The following DEPDC4 variants were observed in gnomAD, a reference collection of about 807,000 sequenced individuals.
The protein encoded by DEPDC4 is DEP domain-containing protein 4.
A neutral mutation model predicts 52.0 loss-of-function variants in DEPDC4; 52 were observed. The observed-to-expected ratio is 1.00, with a 90% CI of 0.80 to 1.26. The LOEUF is 1.26. DEPDC4 is among the 50% of genes most tolerant of loss of function. The probability of loss-of-function intolerance (pLI) is 0.00; values close to 1 mark genes in which losing one functional copy is unlikely to be tolerated. For synonymous variants in DEPDC4, 201 were observed against 196.8 expected, an observed-to-expected ratio of 1.02 and a Z score of -0.18; for missense variants, 530 against 546.9, an observed-to-expected ratio of 0.97 and a Z score of 0.31.
downstream of DEPDC4, among the ~76,000 whole-genome samples, chr12:100,236,045 G>A (rs954842233): frequency 3.9e-5 from 6 of 152,254 alleles, no homozygotes; most frequent in Admixed American, 2.6e-4. Context: ...TGGCTGCATA[G>A]TATTCCATTG....
chr12:100,258,804 TTC>T (rs2096243554), intron 3 of DEPDC4, among the ~76,000 whole-genome samples: 1 of 151,782 alleles, frequency 6.6e-6, no homozygotes, highest in Non-Finnish European at 1.5e-5. Flanking sequence ...GGCGCGGTGG[TTC>T]ACGTCTGTAA....
intron 2 of DEPDC4, among the ~76,000 whole-genome samples, chr12:100,262,881 T>C (rs186415464): frequency 1.3e-5 from 2 of 152,326 alleles, no homozygotes; most frequent in African/African-American, 2.4e-5. Context: ...AAAGGAATAA[T>C]ATATATTTTT....
chr12:100,238,691 G>A (rs1040982171), downstream of DEPDC4, among the ~76,000 whole-genome samples: 2 of 151,478 alleles, frequency 1.3e-5, no homozygotes, highest in Non-Finnish European at 1.5e-5. Context: ...TTGCCATGTT[G>A]TGCAGGCTGG....
intron 8 of DEPDC4, 81 bp from the exon 9 acceptor site, chr12:100,242,650 TG>T (rs1215066777): frequency 6.5e-6 from 1 of 154,826 alleles, no homozygotes; most frequent in Non-Finnish European, 1.5e-5. Context: ...TGTCCATTAC[TG>T]GGGCTTGGTG....
the DEPDC4 span, among the ~76,000 whole-genome samples, chr12:100,278,966 T>G: frequency 6.6e-6 from 1 of 152,144 alleles, no homozygotes; most frequent in Non-Finnish European, 1.5e-5. Flanking sequence ...TATATGTAAT[T>G]TACTTGTTTT....
At chr12:100,267,713 C>T (rs543907250), upstream of DEPDC4, 1 of 152,564 alleles carries the variant, frequency 6.6e-6, no homozygotes, top group South Asian at 2.1e-4. Flanking sequence ...GAGAGCCCCC[C>T]ATGCCGGCTC....
chr12:100,271,585 T>G (rs577558773), upstream of DEPDC4, among the ~76,000 whole-genome samples: 3 of 152,324 alleles, frequency 2.0e-5, no homozygotes, highest in South Asian at 6.2e-4. Context: ...TTTTATATTG[T>G]TGTTCTTTGT....
chr12:100,274,571 A>G, the DEPDC4 span, among the ~76,000 whole-genome samples: 1 of 152,138 alleles, frequency 6.6e-6, no homozygotes, highest in Non-Finnish European at 1.5e-5. Context: ...CTTGTGCTTT[A>G]CTCTTAAGTG....
At position 100,263,757 on chromosome 12, in the gene DEPDC4, A is replaced by G. The variant is rs146665981; in HGVS notation, c.294T>C (p.Asp98=). 80 of 1,614,050 alleles carry G rather than the reference A, an allele frequency of 5.0e-5. No homozygotes were observed. Among genetic ancestry groups the G allele is most frequent in the African/African-American group, 6.7e-5 (5 of 74,944 alleles). The change falls in exon 2 of 10, where the codon GAT becomes GAC. Residue 98 remains aspartate, a synonymous_variant. Coordinates refer to ENST00000550587, the MANE Select transcript of DEPDC4 (RefSeq NM_001364818.2). ...TTTGCATAAGATGACTTAAGACCAC[A>G]TCGACAGCATCAGAACCAGTGAAAC... The part of the protein sequence containing the change: ...KDCFTGSDAV[D]VVLSHLMQNT...
chr12:100,272,114 A>G, the DEPDC4 span, among the ~76,000 whole-genome samples: 5 of 152,200 alleles, frequency 3.3e-5, no homozygotes, highest in Admixed American at 2.6e-4. Context: ...TCTTGGAATC[A>G]TACTGAAGCT....
At chr12:100,248,807 A>G in intron 8 of DEPDC4, 93 bp downstream of exon 8, 2 of 443,638 alleles carry the variant, frequency 4.5e-6, no homozygotes, top group Non-Finnish European at 6.0e-6. Flanking sequence ...CATTTTACAT[A>G]TATTTATTAC....
chr12:100,273,182 C>G, the DEPDC4 span, among the ~76,000 whole-genome samples: 1 of 152,122 alleles, frequency 6.6e-6, no homozygotes, highest in African/African-American at 2.4e-5. Flanking sequence ...CCTTGGTGAT[C>G]TGGCTTTTTA....
the DEPDC4 span, among the ~76,000 whole-genome samples, chr12:100,276,978 T>G: frequency 1.3e-5 from 2 of 152,154 alleles, no homozygotes; most frequent in Non-Finnish European, 2.9e-5. Flanking sequence ...AAAAATTTCT[T>G]TGTGATTTCT....
intron 7 of DEPDC4, among the ~76,000 whole-genome samples, chr12:100,249,823 G>C (rs986634436): frequency 6.6e-6 from 1 of 152,184 alleles, no homozygotes; most frequent in Non-Finnish European, 1.5e-5. Context: ...TGAATGAGTA[G>C]ATCAAGTTCC....
At chr12:100,247,812 G>A (rs2096192159) in intron 8 of DEPDC4, among the ~76,000 whole-genome samples, 1 of 152,146 alleles carries the variant, frequency 6.6e-6, no homozygotes, top group African/African-American at 2.4e-5. Context: ...TATTAGCTGA[G>A]AAATTCCAAG....
chr12:100,273,344 T>C, the DEPDC4 span, among the ~76,000 whole-genome samples: 2 of 152,212 alleles, frequency 1.3e-5, no homozygotes, highest in Admixed American at 6.5e-5. Context: ...CTCTTCTTTT[T>C]GTTCCTATAA....
At chr12:100,243,030 A>G (rs1234278886) in intron 8 of DEPDC4, among the ~76,000 whole-genome samples, 1 of 152,226 alleles carries the variant, frequency 6.6e-6, no homozygotes, top group African/African-American at 2.4e-5. Flanking sequence ...GTTTTTTCCT[A>G]TATATACATA....
At position 100,263,911 on chromosome 12, in the gene DEPDC4, T is replaced by C. The variant is rs2096262911; in HGVS notation, c.158-18A>G. 2 of 1,579,846 alleles carry C rather than the reference T, an allele frequency of 1.3e-6. No homozygotes were observed. Among genetic ancestry groups the C allele is most frequent in the Non-Finnish European group, 8.6e-7 (1 of 1,164,102 alleles). On this transcript the variant is annotated intron_variant, in intron 1 of 9. Coordinates refer to ENST00000550587, the MANE Select transcript of DEPDC4 (RefSeq NM_001364818.2). ...AGAGCATCCTGAAAAAAATTAAATATGCATTTCTAACAAATCTAGATTATA... is the reference window on the plus strand; with the variant it reads ...AGAGCATCCTGAAAAAAATTAAATACGCATTTCTAACAAATCTAGATTATA...
At chr12:100,235,337 T>C (rs78351829), downstream of DEPDC4, among the ~76,000 whole-genome samples, 4,152 of 145,648 alleles carry the variant, frequency 0.029, 182 homozygotes, top group African/African-American at 0.1. Context: ...CCCATATTCT[T>C]TTTTTCTTTT....
Sources: gnomAD v4.1 joint callset for allele counts (sites outside exome capture counted in the v4.1 genomes callset) on GRCh38, gnomAD v4.1.1 for gene constraint, MANE v1.5 for transcripts, NCBI Gene and HGNC (gene_info 2026-07-23, HGNC 2026-07-21) for gene names.